ITM2B: variants seen among roughly 807,000 people sequenced by gnomAD.
ITM2B encodes ABri/ADan amyloid peptide.
In ITM2B, 11 loss-of-function variants were observed where a neutral mutation model predicts 27.8. The observed-to-expected ratio is 0.40, with a 90% CI of 0.25 to 0.66. ITM2B has a LOEUF of 0.66. Ranked by LOEUF, ITM2B falls within the 30% of genes least tolerant of loss-of-function variation. ITM2B has a pLI of 0.43. For synonymous variants in ITM2B, 114 were observed against 114.3 expected (o/e 1.00, Z 0.02); for missense variants, 296 against 328.9 (o/e 0.90, Z 0.77).
In ITM2B at chr13:48,233,528, G is replaced by A. The variant is rs762011640; in HGVS notation, c.117+51G>A. On this transcript the variant is annotated intron_variant, in intron 1 of 5. Coordinates refer to ENST00000647800, the MANE Select transcript of ITM2B (RefSeq NM_021999.5). ...GCGGGTGCTGGGCCCGGCCGGGGAG[G>A]GCTGCGCGGACTGCAGCGGCAGTGC... The A allele has an allele frequency of 8.1e-4, 1,054 of 1,303,180 alleles. 2 individuals carry two copies. The highest frequency in any genetic ancestry group is 1.1e-3 in the Non-Finnish European group (1,006 of 953,442). 80.7% of individuals were successfully genotyped at this position (1,303,180 alleles called of 1,614,324 possible).
At position 48,244,414 on chromosome 13, in the gene ITM2B, A is replaced by G. The variant is rs78148742; in HGVS notation, c.118-9394A>G. Among the ~76,000 whole-genome samples the G allele has an allele frequency of 3.9e-3, 592 of 152,362 alleles. 22 individuals carry two copies. The East Asian group carries it at 0.045, about 12-fold the overall frequency. On this transcript the variant is annotated intron_variant, in intron 1 of 5. Transcript: ENST00000647800. ...GCACATGCCTTCAGTGCTAGGCAGT[A>G]GGGCTCATAGGATCAAAGCACTTCT...
chr13:48,238,628 A>G (rs2137978808), intron 1 of ITM2B, among the ~76,000 whole-genome samples: 1 of 152,338 alleles, frequency 6.6e-6, no homozygotes, highest in East Asian at 1.9e-4. Flanking sequence ...CTTATATATA[A>G]TACCACTTCT....
chr13:48,250,143 A>G (rs1466396890), intron 1 of ITM2B, among the ~76,000 whole-genome samples: 2 of 152,196 alleles, frequency 1.3e-5, no homozygotes, highest in Admixed American at 6.5e-5. Flanking sequence ...CTAGCACAGT[A>G]TATTGCAAAT....
intron 2 of ITM2B, among the ~76,000 whole-genome samples, chr13:48,255,423 T>G (rs532655054): frequency 6.6e-6 from 1 of 151,840 alleles, no homozygotes; most frequent in Non-Finnish European, 1.5e-5. Flanking sequence ...TCCCCAGGAG[T>G]AGCTAGGACT....
Position 48,268,740 on chromosome 13 carries a change from T to C in ITM2B, c.*7516T>C, listed in dbSNP as rs1370958343. 1 of 152,222 alleles carries C rather than the reference T, an allele frequency of 6.6e-6. No homozygotes were observed. Among genetic ancestry groups the C allele is most frequent in the East Asian group, 1.9e-4 (1 of 5,202 alleles). The allele number at this position is 152,222 out of a possible 1,614,324, so 9.4% of individuals were successfully genotyped here. A position where few individuals can be genotyped will look rare whatever the true frequency, so the allele number is the denominator to read the frequency against. Reference sequence around the variant, plus strand: ...TGTACAAGTCTTTGTAGATAGCTCATGTTTTAAAAAGTGTTTGTTTAATGA... The same window carrying C: ...TGTACAAGTCTTTGTAGATAGCTCACGTTTTAAAAAGTGTTTGTTTAATGA... On this transcript the variant is annotated 3_prime_UTR_variant, in exon 6 of 6. Coordinates refer to ENST00000647800, the MANE Select transcript of ITM2B (RefSeq NM_021999.5).
Position 48,264,071 on chromosome 13 carries a change from A to G in ITM2B, c.*2847A>G, listed in dbSNP as rs1951837630. 1.3e-5 allele frequency: 2 copies of G among 152,114 alleles called. No individual in the cohort carries two copies. Among genetic ancestry groups the G allele is most frequent in the Non-Finnish European group, 2.9e-5 (2 of 68,024 alleles). The allele number at this position is 152,114 out of a possible 1,614,324, so 9.4% of individuals were successfully genotyped here. ...CAGAAGTCAAGATGAGACTATATAA[A>G]TCTTGACAAGTTGTTGGCCGTGATT... is the stretch of plus-strand genomic sequence containing the variant. On this transcript the variant is annotated 3_prime_UTR_variant, in exon 6 of 6. Transcript: ENST00000647800.
At chr13:48,242,498 C>A (rs1489201071) in intron 1 of ITM2B, among the ~76,000 whole-genome samples, 1 of 152,014 alleles carries the variant, frequency 6.6e-6, no homozygotes, top group Non-Finnish European at 1.5e-5. Context: ...GAGTCATAAT[C>A]ATCTTGGAAG....
Position 48,259,666 on chromosome 13 carries a change from C to T in ITM2B, c.715+719C>T, listed in dbSNP as rs545993672. 2.9e-4 allele frequency among the ~76,000 whole-genome samples: 44 copies of T among 149,652 alleles called. 1 individual carries two copies. Among genetic ancestry groups the T allele is most frequent in the Non-Finnish European group, 5.5e-4 (37 of 67,634 alleles). On this transcript the variant is annotated intron_variant, in intron 5 of 5. Transcript: ENST00000647800. The stretch of plus-strand genomic sequence containing the variant: ...AATAATACTGTTCTCTCATCTCCGG[C>T]GGTTGAGTCATCTGAAACCAGCTTG...
chr13:48,245,458 C>T lies in ITM2B; in HGVS notation c.118-8350C>T, dbSNP rs980277178. Among the ~76,000 whole-genome samples the T allele has an allele frequency of 3.3e-5, 5 of 151,568 alleles. No individual in the cohort carries two copies. The Admixed American group carries it at 3.3e-4, about 10-fold the overall frequency. On this transcript the variant is annotated intron_variant, in intron 1 of 5. Coordinates refer to ENST00000647800, the MANE Select transcript of ITM2B (RefSeq NM_021999.5). ...ACTTATTATTCATATAAATATTCTA[C>T]TTTGCACTAATCTGCTTGTCTCTGA... is the stretch of plus-strand genomic sequence containing the variant.
chr13:48,260,293 G>A (rs182833150), intron 5 of ITM2B, among the ~76,000 whole-genome samples: 4 of 152,210 alleles, frequency 2.6e-5, no homozygotes, highest in South Asian at 2.1e-4. Context: ...TGTGAGTAGT[G>A]CCACAGTAAA....
In ITM2B at chr13:48,268,246, TGTA is replaced by T. The variant is rs1366550465; in HGVS notation, c.*7028_*7030del. 6.6e-6 allele frequency: 1 copy of T among 152,076 alleles called. No individual in the cohort carries two copies. Among genetic ancestry groups the T allele is most frequent in the African/African-American group, 2.4e-5 (1 of 41,430 alleles). The allele number at this position is 152,076 out of a possible 1,614,324, so 9.4% of individuals were successfully genotyped here. On this transcript the variant is annotated 3_prime_UTR_variant, in exon 6 of 6. Coordinates refer to ENST00000647800, the MANE Select transcript of ITM2B (RefSeq NM_021999.5). ...AGCAGTTCTTTCTTTTCAGTTGCTGTGTAGTAGTCCATTTCTTTTGGTTTTGTG... is the reference window on the plus strand; with the variant it reads ...AGCAGTTCTTTCTTTTCAGTTGCTGTGTAGTCCATTTCTTTTGGTTTTGTG...
intron 2 of ITM2B, 106 bp downstream of exon 2, chr13:48,254,042 C>A: frequency 9.3e-7 from 1 of 1,077,642 alleles, no homozygotes; most frequent in Non-Finnish European, 1.4e-6. Context: ...TACTTTTTAT[C>A]TGTGACCTTC....
Position 48,266,685 on chromosome 13 carries a change from A to G in ITM2B, c.*5461A>G, listed in dbSNP as rs944381465. 1 of 152,166 alleles carries G rather than the reference A, an allele frequency of 6.6e-6. No individual in the cohort carries two copies. Among genetic ancestry groups the G allele is most frequent in the Admixed American group, 6.5e-5 (1 of 15,278 alleles). 9.4% of individuals were successfully genotyped at this position (152,166 alleles called of 1,614,324 possible). The stretch of plus-strand genomic sequence containing the variant: ...TTGTTGAATGAATGAGCTACATTTC[A>G]TGGATTAACTCCATGAAATGGAGTT... On this transcript the variant is annotated 3_prime_UTR_variant, in exon 6 of 6. Transcript: ENST00000647800.
intron 2 of ITM2B, among the ~76,000 whole-genome samples, chr13:48,255,769 T>C (rs1951783408): frequency 6.6e-6 from 1 of 152,232 alleles, no homozygotes; most frequent in Admixed American, 6.5e-5. Flanking sequence ...AAAAAAGTCA[T>C]TTAATTAGTA....
Position 48,233,350 on chromosome 13 carries a change from C to T in ITM2B, c.-11C>T, listed in dbSNP as rs763943060. ...CCGCCGCCGCCCTTCGAGGGCGCCC[C>T]AGGCCGCGCCATGGTGAAGGTGACG... On this transcript the variant is annotated 5_prime_UTR_variant, in exon 1 of 6. Transcript: ENST00000647800. 1.9e-6 allele frequency: 3 copies of T among 1,538,592 alleles called. No individual in the cohort carries two copies. Among genetic ancestry groups the T allele is most frequent in the Non-Finnish European group, 1.8e-6 (2 of 1,142,016 alleles).
chr13:48,245,028 T>C (rs1390680196), intron 1 of ITM2B, among the ~76,000 whole-genome samples: 1 of 152,248 alleles, frequency 6.6e-6, no homozygotes, highest in Admixed American at 6.5e-5. Context: ...AATTTCACTT[T>C]ATAAAACGGA....
In ITM2B at chr13:48,237,443, G is replaced by A. The variant is rs1410515783; in HGVS notation, c.117+3966G>A. On this transcript the variant is annotated intron_variant, in intron 1 of 5. Coordinates refer to ENST00000647800, the MANE Select transcript of ITM2B (RefSeq NM_021999.5). ...TGACAGGACACTGCTGTAGCATATT[G>A]GGTGTGCAAGGTTGCATATTGCACA... is the stretch of plus-strand genomic sequence containing the variant. Among the ~76,000 whole-genome samples the A allele has an allele frequency of 1.3e-4, 20 of 152,184 alleles. No individual in the cohort carries two copies. The East Asian group carries it at 3.3e-3, about 25-fold the overall frequency.
rs1951647760 is a variant in ITM2B at position 48,233,432 on chromosome 13, G to A, written c.72G>A (p.Glu24=). ...EAKKDEPKSG[E]EALIIPPDAV... is the part of the protein sequence containing the mutation. ...AGAAGGACGAGCCCAAGAGCGGCGA[G>A]GAGGCGCTCATCATCCCCCCCGACG... The change falls in exon 1 of 6, where the codon GAG becomes GAA. Residue 24 remains glutamate, a synonymous_variant. Transcript: ENST00000647800. The A allele has an allele frequency of 6.5e-7, 1 of 1,544,954 alleles. No homozygotes were observed. The highest frequency in any genetic ancestry group is 8.7e-7 in the Non-Finnish European group (1 of 1,147,592).
intron 1 of ITM2B, among the ~76,000 whole-genome samples, chr13:48,239,685 G>A (rs577674239): frequency 7.2e-4 from 109 of 152,144 alleles, no homozygotes; most frequent in Non-Finnish European, 1.2e-3. Context: ...GTCCAGTGTT[G>A]CTGGATCCTC....
Sources: allele counts gnomAD v4.1 joint callset (sites outside exome capture counted in the v4.1 genomes callset), GRCh38; gene constraint gnomAD v4.1.1; transcripts MANE v1.5; gene names NCBI Gene and HGNC (gene_info 2026-07-23, HGNC 2026-07-21).